The following ADAMTSL1 variants were observed in gnomAD, a reference collection of about 807,000 sequenced individuals.
ADAMTSL1 encodes ADAMTS-like protein 1.
ADAMTSL1 carries 126 observed loss-of-function variants against 201.8 expected under a neutral mutation model. The ratio of observed to expected loss-of-function variants is 0.62; its 90% CI spans 0.54 to 0.72. The LOEUF (loss-of-function observed/expected upper bound fraction) is 0.72, where lower values mean the gene tolerates loss of function less well. Among genes scored for constraint, ADAMTSL1 ranks in the 30% least tolerant of loss-of-function variants. ADAMTSL1 has a pLI of 0.00. For synonymous variants in ADAMTSL1, 1,121 were observed against 903.4 expected (o/e 1.24, Z -4.32); for missense variants, 2,679 against 2,277.8 (o/e 1.18, Z -3.59).
At chr9:17,942,596 T>A (rs1474265862) in intron 1 of ADAMTSL1, among the ~76,000 whole-genome samples, 4 of 152,170 alleles carry the variant, frequency 2.6e-5, no homozygotes, top group African/African-American at 9.6e-5. Context: ...AGGAAGAATT[T>A]GTACTTTGGC....
intron 1 of ADAMTSL1, among the ~76,000 whole-genome samples, chr9:18,137,998 A>G (rs1321972750): frequency 6.6e-6 from 1 of 152,160 alleles, no homozygotes; most frequent in Non-Finnish European, 1.5e-5. Context: ...CCAACTCTCC[A>G]GAAGCCCTGA....
At chr9:18,711,702 G>C (rs1024413522) in intron 14 of ADAMTSL1, among the ~76,000 whole-genome samples, 1 of 152,248 alleles carries the variant, frequency 6.6e-6, no homozygotes, top group Non-Finnish European at 1.5e-5. Context: ...GCTTGCTTAG[G>C]TAAACAAAGC....
chr9:18,096,526 A>G (rs942632449), intron 1 of ADAMTSL1, among the ~76,000 whole-genome samples: 3 of 152,184 alleles, frequency 2.0e-5, no homozygotes, highest in African/African-American at 7.2e-5. Context: ...GATTCCTGCC[A>G]TATTGGATAG....
chr9:18,073,583 A>G (rs1181254430), intron 1 of ADAMTSL1, among the ~76,000 whole-genome samples: 2 of 152,196 alleles, frequency 1.3e-5, no homozygotes, highest in East Asian at 1.9e-4. Context: ...GAGAATCAGG[A>G]CACAGTGTTT....
intron 13 of ADAMTSL1, among the ~76,000 whole-genome samples, chr9:18,692,571 G>T (rs1049065232): frequency 5.3e-5 from 8 of 152,112 alleles, no homozygotes; most frequent in Non-Finnish European, 1.2e-4. Flanking sequence ...TATATGTTAA[G>T]TCCATTAAGG....
At position 17,914,630 on chromosome 9, in the gene ADAMTSL1, C is replaced by G. The variant is rs536309565; in HGVS notation, c.87+7708C>G. 1.1e-3 allele frequency among the ~76,000 whole-genome samples: 166 copies of G among 151,698 alleles called. 2 individuals are homozygous for G. The South Asian group carries it at 0.014, about 13-fold the overall frequency. ...CTGGCACAAGACAGGGATGCCCTCT[C>G]TCACCACTCCTATTCAACATAGTGT... On this transcript the variant is annotated intron_variant, in intron 1 of 29. Transcript: ENST00000680146.
At chr9:18,100,832 G>A (rs768927866) in intron 1 of ADAMTSL1, among the ~76,000 whole-genome samples, 1 of 152,168 alleles carries the variant, frequency 6.6e-6, no homozygotes, top group Non-Finnish European at 1.5e-5. Flanking sequence ...CTTCTGTTCT[G>A]AAATTGACCT....
chr9:18,098,943 TA>T lies in ADAMTSL1; in HGVS notation c.88-64916del, dbSNP rs1468294245. Among the ~76,000 whole-genome samples the T allele has an allele frequency of 5.9e-5, 9 of 152,280 alleles. No individual in the cohort carries two copies. The South Asian group carries it at 1.5e-3, about 25-fold the overall frequency. ...GCTCACTTTGTGAGTTTCCCTCCCC[TA>T]AAGATTACAGTTTTGTGCTGTCTGT... On this transcript the variant is annotated intron_variant, in intron 1 of 29. Coordinates refer to the ADAMTSL1 transcript ENST00000680146.
At chr9:18,308,550 C>G (rs1298199113) in intron 2 of ADAMTSL1, among the ~76,000 whole-genome samples, 1 of 152,142 alleles carries the variant, frequency 6.6e-6, no homozygotes, top group African/African-American at 2.4e-5. Flanking sequence ...TCAGAGAATA[C>G]TACAAACACC....
At chr9:18,010,986 G>A (rs2131556063) in intron 1 of ADAMTSL1, among the ~76,000 whole-genome samples, 1 of 151,816 alleles carries the variant, frequency 6.6e-6, no homozygotes, top group Admixed American at 6.6e-5. Context: ...ATTTCATTAG[G>A]CAATCAGTTT....
At chr9:18,276,575 G>T (rs1587450576) in intron 2 of ADAMTSL1, among the ~76,000 whole-genome samples, 1 of 152,172 alleles carries the variant, frequency 6.6e-6, no homozygotes, top group African/African-American at 2.4e-5. Context: ...AAGATGAGAG[G>T]TTTATTTTGG....
intron 17 of ADAMTSL1, 53 bp downstream of exon 17, chr9:18,770,834 C>A: frequency 1.3e-6 from 2 of 1,552,192 alleles, no homozygotes; most frequent in South Asian, 1.2e-5. Flanking sequence ...GAAAAGAAGG[C>A]ACCCCAGACA....
At chr9:18,082,637 T>C (rs1208589400) in intron 1 of ADAMTSL1, among the ~76,000 whole-genome samples, 3 of 152,160 alleles carry the variant, frequency 2.0e-5, no homozygotes, top group African/African-American at 4.8e-5. Context: ...GCGCTGTCCA[T>C]GAATCCCTCT....
intron 20 of ADAMTSL1, among the ~76,000 whole-genome samples, chr9:18,796,991 C>G (rs775670204): frequency 7.2e-5 from 11 of 152,254 alleles, no homozygotes; most frequent in Middle Eastern, 3.4e-3. Flanking sequence ...TTTGTTCACC[C>G]GAATTTAATA....
intron 2 of ADAMTSL1, among the ~76,000 whole-genome samples, chr9:18,310,754 T>G (rs1438777550): frequency 6.6e-6 from 1 of 152,150 alleles, no homozygotes; most frequent in Non-Finnish European, 1.5e-5. Flanking sequence ...ACACTGTTGG[T>G]GGGAGCGTAA....
intron 4 of ADAMTSL1, among the ~76,000 whole-genome samples, chr9:18,588,290 T>C (rs752086923): frequency 6.6e-6 from 1 of 152,142 alleles, no homozygotes; most frequent in Admixed American, 6.5e-5. Flanking sequence ...TCTATTCAGG[T>C]CTTTTGTCCA....
rs765347814 is a variant in ADAMTSL1, at chr9:18,559,962, A to T, written c.238-14068A>T. On this transcript the variant is annotated intron_variant, in intron 3 of 28. Transcript: ENST00000380548. Reference sequence around the variant, plus strand: ...AATTATGTCATCTGCAAACAGAGACAATTTGACTTCCCCTTTTCCTATTTG... The same window carrying T: ...AATTATGTCATCTGCAAACAGAGACTATTTGACTTCCCCTTTTCCTATTTG... Among the ~76,000 whole-genome samples, 5 of 152,280 alleles carry T rather than the reference A, an allele frequency of 3.3e-5. No individual in the cohort carries two copies. In the Middle Eastern group the frequency reaches 0.01, roughly 315 times the overall value.
chr9:18,398,837 T>G (rs1211742715), intron 2 of ADAMTSL1, among the ~76,000 whole-genome samples: 1 of 152,216 alleles, frequency 6.6e-6, no homozygotes, highest in African/African-American at 2.4e-5. Flanking sequence ...TTCATTCATT[T>G]ATTCATTTAA....
intron 21 of ADAMTSL1, among the ~76,000 whole-genome samples, chr9:18,819,333 G>C (rs2131197418): frequency 6.6e-6 from 1 of 152,084 alleles, no homozygotes; most frequent in East Asian, 1.9e-4. Context: ...GCAAGTGCCT[G>C]TAATCACAGC....
Sources: gnomAD v4.1 joint callset for allele counts (sites outside exome capture counted in the v4.1 genomes callset) on GRCh38, gnomAD v4.1.1 for gene constraint, MANE v1.5 for transcripts, NCBI Gene and HGNC (gene_info 2026-07-23, HGNC 2026-07-21) for gene names.